Variants in CSMD3 observed in about 807,000 individuals in gnomAD.
The protein encoded by CSMD3 is CUB and sushi domain-containing protein 3.
A neutral mutation model predicts 435.2 loss-of-function variants in CSMD3; 177 were observed. That is an observed-to-expected ratio of 0.41 (90% CI 0.36 to 0.46). CSMD3 has a LOEUF of 0.46. Among genes scored for constraint, CSMD3 ranks in the 20% least tolerant of loss-of-function variants. The probability of loss-of-function intolerance (pLI) is 0.34; values close to 1 mark genes in which losing one functional copy is unlikely to be tolerated. For missense variants in CSMD3, 4,265 were observed against 4,504.6 expected (o/e 0.95, Z 1.52); for synonymous variants, 1,656 against 1,520.5 (o/e 1.09, Z -2.07).
chr8:112,427,818 C>G, intron 32 of CSMD3, among the ~76,000 whole-genome samples: 1 of 152,150 alleles, frequency 6.6e-6, no homozygotes, highest in East Asian at 1.9e-4. Flanking sequence ...CTACCACATT[C>G]TCATGATTCC....
chr8:113,314,017 A>C (rs1451844097), intron 2 of CSMD3: 1 of 152,200 alleles, frequency 6.6e-6, no homozygotes, highest in East Asian at 1.9e-4. Flanking sequence ...CATCTGTTTA[A>C]TCAATAAGCT....
At chr8:112,636,695 G>A in intron 22 of CSMD3, 122 bp downstream of exon 22, 2 of 873,528 alleles carry the variant, frequency 2.3e-6, no homozygotes, top group Non-Finnish European at 3.7e-6. Flanking sequence ...AAAAAAAGTT[G>A]AAATAATTAA....
intron 3 of CSMD3, among the ~76,000 whole-genome samples, chr8:113,232,334 T>C (rs2093097976): frequency 6.6e-6 from 1 of 151,728 alleles, no homozygotes; most frequent in Non-Finnish European, 1.5e-5. Context: ...ATGTTAAAAA[T>C]GCATTCCTCT....
chr8:113,048,596 T>C (rs1484884276), intron 5 of CSMD3, among the ~76,000 whole-genome samples: 1 of 152,168 alleles, frequency 6.6e-6, no homozygotes, highest in Non-Finnish European at 1.5e-5. Context: ...TTTGAATAAT[T>C]ACATACTTCT....
intron 5 of CSMD3, among the ~76,000 whole-genome samples, chr8:113,034,220 A>C (rs1208508754): frequency 6.6e-6 from 1 of 151,584 alleles, no homozygotes; most frequent in Non-Finnish European, 1.5e-5. Context: ...AAAAGGTTTT[A>C]ACCTTAAATA....
intron 13 of CSMD3, among the ~76,000 whole-genome samples, chr8:112,725,767 G>T (rs998546891): frequency 3.9e-5 from 6 of 151,936 alleles, no homozygotes; most frequent in African/African-American, 1.4e-4. Flanking sequence ...CGGAAGTTAT[G>T]AAGTTTGAAT....
At chr8:112,598,568 C>T (rs1292705272) in intron 22 of CSMD3, among the ~76,000 whole-genome samples, 3 of 151,032 alleles carry the variant, frequency 2.0e-5, no homozygotes, top group Admixed American at 6.6e-5. Context: ...CAAGGCAATC[C>T]TAAGCCAAAA....
chr8:112,466,269 T>C (rs796750674), intron 32 of CSMD3, among the ~76,000 whole-genome samples: 5 of 152,228 alleles, frequency 3.3e-5, no homozygotes, highest in African/African-American at 9.6e-5. Context: ...AATAAAATGG[T>C]TTACTGATTG....
At chr8:112,504,438 A>G (rs888454377) in intron 29 of CSMD3, among the ~76,000 whole-genome samples, 8 of 152,130 alleles carry the variant, frequency 5.3e-5, no homozygotes, top group Non-Finnish European at 1.2e-4. Context: ...TTCTTCATCA[A>G]TAGTACTCCT....
At chr8:112,880,684 AG>A (rs1418896311) in intron 10 of CSMD3, among the ~76,000 whole-genome samples, 1 of 151,978 alleles carries the variant, frequency 6.6e-6, no homozygotes, top group Non-Finnish European at 1.5e-5. Context: ...TGCCTATTCA[AG>A]GGGGTCATAT....
chr8:112,876,832 A>C (rs1252715401), intron 10 of CSMD3, among the ~76,000 whole-genome samples: 1 of 152,292 alleles, frequency 6.6e-6, no homozygotes, highest in East Asian at 1.9e-4. Context: ...CTGTTTGCAG[A>C]TGACATGATT....
intron 3 of CSMD3, among the ~76,000 whole-genome samples, chr8:113,229,836 C>T (rs370862439): frequency 4.6e-5 from 7 of 151,658 alleles, no homozygotes; most frequent in African/African-American, 1.7e-4. Context: ...GTTACTTGCC[C>T]TCATCACATA....
At chr8:112,488,855 T>C (rs73700941) in intron 31 of CSMD3, among the ~76,000 whole-genome samples, 2,639 of 152,168 alleles carry the variant, frequency 0.017, 78 homozygotes, top group African/African-American at 0.06. Flanking sequence ...TCTTCCTATG[T>C]TATATGGAGT....
intron 8 of CSMD3, 68 bp from the exon 9 acceptor site, chr8:112,947,945 T>G: frequency 1.4e-6 from 1 of 714,738 alleles, no homozygotes; most frequent in East Asian, 2.7e-5. Context: ...TGATATTAAT[T>G]TTAAAATATA....
chr8:112,843,608 G>A (rs2132541921), intron 11 of CSMD3, among the ~76,000 whole-genome samples: 1 of 151,988 alleles, frequency 6.6e-6, no homozygotes, highest in South Asian at 2.1e-4. Context: ...TCAGAAGAAT[G>A]TGCAAATATG....
chr8:112,830,166 T>C (rs534947571), intron 11 of CSMD3, among the ~76,000 whole-genome samples: 3 of 152,042 alleles, frequency 2.0e-5, no homozygotes, highest in Non-Finnish European at 4.4e-5. Flanking sequence ...AGGTGGAGAG[T>C]GGTTTTCCAC....
intron 50 of CSMD3, among the ~76,000 whole-genome samples, chr8:112,309,836 C>T (rs1821796085): frequency 6.6e-6 from 1 of 151,976 alleles, no homozygotes; most frequent in Admixed American, 6.6e-5. Flanking sequence ...CCTGGTAATA[C>T]CTATTCTTTA....
chr8:113,061,102 C>A (rs2088593193), intron 5 of CSMD3, among the ~76,000 whole-genome samples: 1 of 151,958 alleles, frequency 6.6e-6, no homozygotes, highest in African/African-American at 2.4e-5. Context: ...TGGAACATAC[C>A]CACCTCTTGT....
At chr8:112,388,237 C>A (rs994562822) in intron 36 of CSMD3, among the ~76,000 whole-genome samples, 1 of 152,002 alleles carries the variant, frequency 6.6e-6, no homozygotes, top group South Asian at 2.1e-4. Flanking sequence ...ACGGCATAAT[C>A]GACAGTGTCA....
Sources: allele counts gnomAD v4.1 joint callset (sites outside exome capture counted in the v4.1 genomes callset), GRCh38; gene constraint gnomAD v4.1.1; transcripts MANE v1.5; gene names NCBI Gene and HGNC (gene_info 2026-07-23, HGNC 2026-07-21).